SLC35F3: variants seen among roughly 807,000 people sequenced by gnomAD.
SLC35F3 encodes the protein putative thiamine transporter SLC35F3.
In SLC35F3, 25 loss-of-function variants were observed where a neutral mutation model predicts 49.9. The observed-to-expected ratio is 0.50, with a 90% confidence interval of 0.37 to 0.70. SLC35F3 has a LOEUF of 0.70. Among genes scored for constraint, SLC35F3 ranks in the 30% least tolerant of loss-of-function variants. The pLI is 0.00. For missense variants in SLC35F3, 525 were observed against 639.8 expected (o/e 0.82, Z 1.94); for synonymous variants, 275 against 265.4 (o/e 1.04, Z -0.35).
chr1:234,236,839 C>T (rs1236354620), intron 3 of SLC35F3, among the ~76,000 whole-genome samples: 20 of 149,626 alleles, frequency 1.3e-4, no homozygotes, highest in Admixed American at 7.4e-4. Context: ...TATGTGGGCA[C>T]GTGGACAGAT....
chr1:234,161,022 GT>G (rs1230890466), intron 2 of SLC35F3, among the ~76,000 whole-genome samples: 2 of 152,060 alleles, frequency 1.3e-5, no homozygotes, highest in Non-Finnish European at 2.9e-5. Context: ...CTCCATTTCT[GT>G]GACCCTCAGT....
chr1:233,982,260 A>G (rs1398659646), intron 2 of SLC35F3, among the ~76,000 whole-genome samples: 3 of 152,212 alleles, frequency 2.0e-5, no homozygotes, highest in African/African-American at 4.8e-5. Flanking sequence ...CCCATTTGCC[A>G]TTTAAATACC....
At chr1:234,096,422 C>T (rs955911021) in intron 2 of SLC35F3, among the ~76,000 whole-genome samples, 1 of 152,154 alleles carries the variant, frequency 6.6e-6, no homozygotes, top group Non-Finnish European at 1.5e-5. Flanking sequence ...ACCCATGGAA[C>T]GTGCTTCATC....
intron 2 of SLC35F3, among the ~76,000 whole-genome samples, chr1:233,927,482 T>C (rs1021367153): frequency 6.6e-6 from 1 of 152,148 alleles, no homozygotes. Context: ...GTAATACTCA[T>C]GTATGGGCAC....
chr1:233,993,619 C>T (rs538801370), intron 2 of SLC35F3, among the ~76,000 whole-genome samples: 5 of 152,276 alleles, frequency 3.3e-5, no homozygotes, highest in African/African-American at 1.2e-4. Flanking sequence ...AAGCAGAGAT[C>T]CAGGCCATTA....
At position 234,257,355 on chromosome 1, in the gene SLC35F3, C is replaced by T. The variant is rs181726196; in HGVS notation, c.608+25614C>T. 1.6e-3 allele frequency among the ~76,000 whole-genome samples: 237 copies of T among 152,272 alleles called. 1 individual carries two copies. Among genetic ancestry groups the T allele is most frequent in the African/African-American group, 5.4e-3 (226 of 41,550 alleles). ...TTTCTCTTCTTTAGTTGTTAATTCTCCTAAATCTGCTGTTTCTAGTTGGTC... is the reference window on the plus strand; with the variant it reads ...TTTCTCTTCTTTAGTTGTTAATTCTTCTAAATCTGCTGTTTCTAGTTGGTC... On this transcript the variant is annotated intron_variant, in intron 3 of 7. Coordinates refer to ENST00000366618, the MANE Select transcript of SLC35F3 (RefSeq NM_173508.4).
chr1:234,274,690 A>T (rs986258548), intron 3 of SLC35F3, among the ~76,000 whole-genome samples: 1 of 152,318 alleles, frequency 6.6e-6, no homozygotes, highest in East Asian at 1.9e-4. Flanking sequence ...GGCGATTGTG[A>T]TGGTGCAGAT....
At chr1:234,234,211 G>A (rs1255111296) in intron 3 of SLC35F3, among the ~76,000 whole-genome samples, 49 of 152,196 alleles carry the variant, frequency 3.2e-4, no homozygotes, top group Non-Finnish European at 1.9e-4. Flanking sequence ...AAAGTGTTTA[G>A]CAGGGAGCTG....
At chr1:234,078,973 C>T (rs985081603) in intron 2 of SLC35F3, among the ~76,000 whole-genome samples, 14 of 152,110 alleles carry the variant, frequency 9.2e-5, no homozygotes, top group South Asian at 4.1e-4. Context: ...AAATCAAAAG[C>T]GGTTCTAAAT....
chr1:234,258,717 A>G (rs1667858111), intron 3 of SLC35F3, among the ~76,000 whole-genome samples: 1 of 152,242 alleles, frequency 6.6e-6, no homozygotes, highest in African/African-American at 2.4e-5. Context: ...AGCAAGATGG[A>G]GTCAGCTATG....
At chr1:234,277,091 C>T (rs1264049173) in intron 3 of SLC35F3, among the ~76,000 whole-genome samples, 1 of 152,248 alleles carries the variant, frequency 6.6e-6, no homozygotes, top group African/African-American at 2.4e-5. Flanking sequence ...GAGCCATTCT[C>T]ACAGGGATGA....
intron 3 of SLC35F3, among the ~76,000 whole-genome samples, chr1:234,291,106 C>T (rs1668499955): frequency 6.6e-6 from 1 of 152,192 alleles, no homozygotes; most frequent in Non-Finnish European, 1.5e-5. Context: ...GCTTGGGTCA[C>T]ATGCCTGTTC....
In SLC35F3 at chr1:234,256,431, T is replaced by C. The variant is rs374996309; in HGVS notation, c.608+24690T>C. On this transcript the variant is annotated intron_variant, in intron 3 of 7. Transcript: ENST00000366618. ...TGGGATGGTAGGACAAACCTCCTTA[T>C]ATCCTCTCCTTTGCTAACTGTCGTT... Among the ~76,000 whole-genome samples, 7 of 152,310 alleles carry C rather than the reference T, an allele frequency of 4.6e-5. No homozygotes were observed. The East Asian group carries it at 1.2e-3, about 25-fold the overall frequency.
intron 2 of SLC35F3, among the ~76,000 whole-genome samples, chr1:233,975,746 C>T (rs1382809363): frequency 2.0e-5 from 3 of 152,174 alleles, no homozygotes; most frequent in Admixed American, 1.3e-4. Flanking sequence ...CCAGAGTGGC[C>T]ACGGGAGGCT....
At chr1:234,157,201 C>T (rs1666168107) in intron 2 of SLC35F3, among the ~76,000 whole-genome samples, 1 of 152,056 alleles carries the variant, frequency 6.6e-6, no homozygotes, top group South Asian at 2.1e-4. Context: ...TATGTTTTAC[C>T]TCCTCCCTGC....
At chr1:234,161,803 C>A (rs1666231907) in intron 2 of SLC35F3, among the ~76,000 whole-genome samples, 1 of 152,048 alleles carries the variant, frequency 6.6e-6, no homozygotes, top group Admixed American at 6.6e-5. Context: ...GAGACCCCAT[C>A]TCAAAAAAAT....
chr1:234,115,826 T>C (rs1338564233), intron 2 of SLC35F3, among the ~76,000 whole-genome samples: 1 of 126,986 alleles, frequency 7.9e-6, no homozygotes, highest in Non-Finnish European at 1.6e-5. Context: ...CTGAGACTTA[T>C]CTCAATCAGT....
At chr1:234,185,897 T>A (rs1359277131) in intron 2 of SLC35F3, among the ~76,000 whole-genome samples, 1 of 152,214 alleles carries the variant, frequency 6.6e-6, no homozygotes, top group Non-Finnish European at 1.5e-5. Context: ...TTCTAACCAT[T>A]TTTTTATCAT....
chr1:233,968,138 G>T (rs1662930456), intron 2 of SLC35F3, among the ~76,000 whole-genome samples: 1 of 152,162 alleles, frequency 6.6e-6, no homozygotes, highest in Admixed American at 6.5e-5. Context: ...GTTTCTGGGG[G>T]TTGCCAGCAG....
Sources: allele counts gnomAD v4.1 joint callset (sites outside exome capture counted in the v4.1 genomes callset), GRCh38; gene constraint gnomAD v4.1.1; transcripts MANE v1.5; gene names NCBI Gene and HGNC (gene_info 2026-07-23, HGNC 2026-07-21).